PHTF2: variants seen among roughly 807,000 people sequenced by gnomAD.
PHTF2 encodes protein PHTF2.
PHTF2 carries 60 observed loss-of-function variants against 101.2 expected under a neutral mutation model. The observed-to-expected ratio is 0.59, with a 90% CI of 0.48 to 0.73. The LOEUF is 0.73. Ranked by LOEUF, PHTF2 falls within the 30% of genes least tolerant of loss-of-function variation. The pLI, the probability that PHTF2 is intolerant of heterozygous loss-of-function variation, is 0.00. For synonymous variants in PHTF2, 311 were observed against 307.3 expected (o/e 1.01, Z -0.13); for missense variants, 747 against 908.7 (o/e 0.82, Z 2.29).
chr7:77,941,208 T>C (rs1805613022), intron 15 of PHTF2, among the ~76,000 whole-genome samples: 1 of 152,214 alleles, frequency 6.6e-6, no homozygotes, highest in Admixed American at 6.5e-5. Flanking sequence ...CATACCTAGA[T>C]CTTTAATGCT....
At chr7:77,854,794 A>G (rs1562878318) in exon 3 of PHTF2, 2 of 754,516 alleles carry the variant, frequency 2.7e-6, no homozygotes, top group Admixed American at 1.7e-5. Flanking sequence ...GGCTACTGCC[A>G]GTGTTCACTC....
At chr7:77,804,254 GA>G (rs1792794267) in intron 1 of PHTF2, among the ~76,000 whole-genome samples, 1 of 152,146 alleles carries the variant, frequency 6.6e-6, no homozygotes, top group African/African-American at 2.4e-5. Context: ...ATCATTTGTT[GA>G]AAAATAAACC....
chr7:77,873,107 T>C (rs1423086193), intron 3 of PHTF2, among the ~76,000 whole-genome samples: 1 of 152,072 alleles, frequency 6.6e-6, no homozygotes, highest in East Asian at 1.9e-4. Flanking sequence ...TTTTTGTATT[T>C]TAGTAGAGAC....
chr7:77,930,774 G>A (rs1321480480), intron 12 of PHTF2, among the ~76,000 whole-genome samples: 1 of 152,070 alleles, frequency 6.6e-6, no homozygotes, highest in Non-Finnish European at 1.5e-5. Context: ...ATCCTTACAC[G>A]GTGGAAATAA....
At chr7:77,932,598 GAGAA>G (rs1208983025) in intron 12 of PHTF2, among the ~76,000 whole-genome samples, 16 of 127,822 alleles carry the variant, frequency 1.3e-4, no homozygotes, top group South Asian at 5.3e-4. Context: ...GAGAGAGAGA[GAGAA>G]AGAGAGAGAG....
exon 20 of PHTF2, chr7:77,956,875 CTT>C (rs1807017162): frequency 1.3e-5 from 2 of 152,042 alleles, no homozygotes; most frequent in Admixed American, 1.3e-4. Flanking sequence ...TTGAGGTTAA[CTT>C]AGAGTTGGGA....
At chr7:77,825,937 G>A (rs1437968264) in intron 1 of PHTF2, among the ~76,000 whole-genome samples, 1 of 152,006 alleles carries the variant, frequency 6.6e-6, no homozygotes, top group Non-Finnish European at 1.5e-5. Flanking sequence ...TCAACAAATG[G>A]AACAGAAAAA....
chr7:77,835,039 G>A (rs556947702), intron 1 of PHTF2, among the ~76,000 whole-genome samples: 1 of 152,258 alleles, frequency 6.6e-6, no homozygotes, highest in East Asian at 1.9e-4. Flanking sequence ...TTTGGAGGCC[G>A]AGGCGGGCGG....
intron 1 of PHTF2, among the ~76,000 whole-genome samples, chr7:77,808,675 G>A (rs1793177989): frequency 6.6e-6 from 1 of 152,118 alleles, no homozygotes; most frequent in Non-Finnish European, 1.5e-5. Context: ...CTCCTCTTTG[G>A]ATACTTTGCT....
rs139223144 is a variant in PHTF2, at chr7:77,872,016, A to G, written c.147+17182A>G. ...TGATGGAAAAGGTTCAATATAATCA[A>G]TCTGCCACCAGGTAACTGGCTGATC... On this transcript the variant is annotated intron_variant, in intron 3 of 19. Transcript: ENST00000416283. Among the ~76,000 whole-genome samples the G allele has an allele frequency of 3.2e-3, 493 of 152,312 alleles. 3 individuals are homozygous for G. The highest frequency in any genetic ancestry group is 0.011 in the African/African-American group (472 of 41,562).
intron 13 of PHTF2, among the ~76,000 whole-genome samples, chr7:77,938,764 G>A (rs1310735807): frequency 6.6e-6 from 1 of 152,194 alleles, no homozygotes; most frequent in Non-Finnish European, 1.5e-5. Flanking sequence ...GCGACAGAGC[G>A]AGACTCCGTC....
At chr7:77,923,535 A>G (rs184114957) in intron 11 of PHTF2, 964 of 984,312 alleles carry the variant, frequency 9.8e-4, no homozygotes, top group Middle Eastern at 4.7e-3. Flanking sequence ...TTCTTTGCAC[A>G]CTCTTCTTTG....
At chr7:77,854,677 C>A in intron 2 of PHTF2, 1 of 697,426 alleles carries the variant, frequency 1.4e-6, no homozygotes, top group South Asian at 1.5e-5. Flanking sequence ...GTTGTGTTGG[C>A]ACCCAAGCCA....
intron 1 of PHTF2, among the ~76,000 whole-genome samples, chr7:77,820,055 A>G (rs1206384667): frequency 2.6e-5 from 4 of 151,882 alleles, no homozygotes; most frequent in African/African-American, 9.7e-5. Context: ...ACACCCGGCT[A>G]ATTTTGTATT....
At chr7:77,904,396 A>G (rs564465210) in intron 7 of PHTF2, among the ~76,000 whole-genome samples, 1 of 152,352 alleles carries the variant, frequency 6.6e-6, no homozygotes, top group Admixed American at 6.5e-5. Context: ...ATGTAGTTAC[A>G]TATCTTTCTT....
intron 11 of PHTF2, among the ~76,000 whole-genome samples, chr7:77,928,311 C>A (rs1314726971): frequency 1.3e-5 from 2 of 151,884 alleles, no homozygotes; most frequent in African/African-American, 4.8e-5. Context: ...TTGCAAACTC[C>A]CAGGATAAAG....
At chr7:77,921,610 T>C (rs1803468194) in intron 10 of PHTF2, among the ~76,000 whole-genome samples, 1 of 152,214 alleles carries the variant, frequency 6.6e-6, no homozygotes, top group Non-Finnish European at 1.5e-5. Flanking sequence ...CTTACTCTGA[T>C]TTTAGATTTT....
rs1395172404 is a variant in PHTF2, at chr7:77,949,675, T to C, written c.1960-3T>C. ...CTTTATGTTACCTTTTTCATACTTT[T>C]AGCTACTTCATGTACACGAGATCTT... On this transcript the variant is annotated splice_polypyrimidine_tract_variant and splice_region_variant and intron_variant, in intron 16 of 19. Transcript: ENST00000416283. 7.2e-6 allele frequency: 11 copies of C among 1,533,250 alleles called. No homozygotes were observed. In the South Asian group the frequency reaches 1.2e-4, roughly 17 times the overall value. 95.0% of individuals were successfully genotyped at this position (1,533,250 alleles called of 1,614,324 possible).
chr7:77,933,866 T>C (rs1804844240), intron 12 of PHTF2, among the ~76,000 whole-genome samples: 1 of 152,190 alleles, frequency 6.6e-6, no homozygotes, highest in Non-Finnish European at 1.5e-5. Flanking sequence ...TTTTATGATG[T>C]CTGTGCAGAG....
Sources: allele counts gnomAD v4.1 joint callset (sites outside exome capture counted in the v4.1 genomes callset), GRCh38; gene constraint gnomAD v4.1.1; transcripts MANE v1.5; gene names NCBI Gene and HGNC (gene_info 2026-07-23, HGNC 2026-07-21).